The following SCFD1 variants were observed in gnomAD, a reference collection of about 807,000 sequenced individuals.
The protein encoded by SCFD1 is sec1 family domain-containing protein 1.
SCFD1 carries 37 observed loss-of-function variants against 103.2 expected under a neutral mutation model. The observed-to-expected ratio is 0.36, with a 90% CI of 0.28 to 0.47. The LOEUF (loss-of-function observed/expected upper bound fraction) is 0.47, where lower values mean the gene tolerates loss of function less well. SCFD1 is among the 20% of genes least tolerant of loss of function. The probability of loss-of-function intolerance (pLI) is 1.00; values close to 1 mark genes in which losing one functional copy is unlikely to be tolerated. For missense variants in SCFD1, 639 were observed against 761.2 expected (o/e 0.84, Z 1.89); for synonymous variants, 264 against 245.0 (o/e 1.08, Z -0.73).
At chr14:30,714,794 G>T (rs1477930049) in intron 19 of SCFD1, among the ~76,000 whole-genome samples, 1 of 152,164 alleles carries the variant, frequency 6.6e-6, no homozygotes, top group Non-Finnish European at 1.5e-5. Flanking sequence ...ATACAAGACT[G>T]TTCTCTTCAG....
At chr14:30,716,911 AT>A (rs1163929325) in intron 20 of SCFD1, among the ~76,000 whole-genome samples, 3 of 152,238 alleles carry the variant, frequency 2.0e-5, no homozygotes, top group African/African-American at 7.2e-5. Flanking sequence ...ACTAAAAAGG[AT>A]TGGATTCTTC....
intron 17 of SCFD1, among the ~76,000 whole-genome samples, chr14:30,703,915 A>ATG (rs1891254047): frequency 1.7e-4 from 3 of 17,372 alleles, no homozygotes; most frequent in South Asian, 1.7e-3. Context: ...ATTTGCATAT[A>ATG]TATATATATA....
intron 2 of SCFD1, among the ~76,000 whole-genome samples, chr14:30,629,421 G>C (rs564322537): frequency 6.6e-6 from 1 of 152,072 alleles, no homozygotes; most frequent in African/African-American, 2.4e-5. Context: ...ACCAGTTGAG[G>C]ATCTCTTTTA....
chr14:30,724,945 C>T lies in SCFD1; in HGVS notation c.1836+2386C>T, dbSNP rs117242535. 1.7e-4 allele frequency among the ~76,000 whole-genome samples: 26 copies of T among 152,150 alleles called. No homozygotes were observed. The East Asian group carries it at 2.5e-3, about 15-fold the overall frequency. On this transcript the variant is annotated intron_variant, in intron 23 of 24. Coordinates refer to ENST00000458591, the MANE Select transcript of SCFD1 (RefSeq NM_016106.4). The stretch of plus-strand genomic sequence containing the variant: ...TAGCACCATTTATTGAATAGGGAGT[C>T]GTTTCTCCATTGCTTTTGTCAGGTT...
At chr14:30,722,273 T>C (rs1548257) in intron 22 of SCFD1, among the ~76,000 whole-genome samples, 11,916 of 152,136 alleles carry the variant, frequency 0.078, 761 homozygotes, top group African/African-American at 0.17. Flanking sequence ...TTGGAAATTA[T>C]AGTTATTTTC....
intron 14 of SCFD1, among the ~76,000 whole-genome samples, chr14:30,684,500 A>G (rs1889773475): frequency 6.6e-6 from 1 of 152,186 alleles, no homozygotes; most frequent in African/African-American, 2.4e-5. Context: ...AAATTGAGGC[A>G]GTGTACTGAA....
Position 30,727,677 on chromosome 14 carries a change from A to G in SCFD1, c.1836+5118A>G, listed in dbSNP as rs553102647. The stretch of plus-strand genomic sequence containing the variant: ...TATTCATTTATTGGCTCCCTTTCTG[A>G]GAGTAAAGACTTTTCCTCCTTTCTC... On this transcript the variant is annotated intron_variant, in intron 23 of 24. Coordinates refer to ENST00000458591, the MANE Select transcript of SCFD1 (RefSeq NM_016106.4). 2.6e-5 allele frequency among the ~76,000 whole-genome samples: 4 copies of G among 152,012 alleles called. No individual in the cohort carries two copies. In the South Asian group the frequency reaches 8.3e-4, roughly 32 times the overall value.
At chr14:30,683,044 G>A (rs1187930802) in intron 14 of SCFD1, 1 of 1,346,602 alleles carries the variant, frequency 7.4e-7, no homozygotes. Context: ...GGCAGCCTGG[G>A]TCAGGGCTCC....
chr14:30,721,984 T>C (rs1356539644), intron 22 of SCFD1, 67 bp downstream of exon 22: 3 of 1,133,534 alleles, frequency 2.6e-6, no homozygotes, highest in South Asian at 2.6e-5. Context: ...TCTTGAAGAC[T>C]GTCTGTACCA....
chr14:30,649,412 T>C, intron 7 of SCFD1, 116 bp from the exon 8 acceptor site: 1 of 682,430 alleles, frequency 1.5e-6, no homozygotes, highest in Middle Eastern at 3.6e-4. Context: ...TAAAATCGTG[T>C]GTAACGTGAA....
At chr14:30,643,219 A>G (rs572608170) in intron 6 of SCFD1, 97 bp from the exon 7 acceptor site, 39 of 853,168 alleles carry the variant, frequency 4.6e-5, no homozygotes, top group South Asian at 3.0e-4. Flanking sequence ...GAGTTTTATT[A>G]TATGTCAATT....
chr14:30,693,194 G>A (rs1168027460), intron 14 of SCFD1, among the ~76,000 whole-genome samples: 1 of 152,122 alleles, frequency 6.6e-6, no homozygotes, highest in African/African-American at 2.4e-5. Flanking sequence ...TTCAGTGAAA[G>A]GAAAGGGCAG....
At chr14:30,623,393 A>C (rs1883057742) in intron 1 of SCFD1, among the ~76,000 whole-genome samples, 1 of 152,188 alleles carries the variant, frequency 6.6e-6, no homozygotes. Flanking sequence ...AAAGTGATAG[A>C]CTTCAATTTA....
chr14:30,638,382 A>G (rs1594577452), intron 5 of SCFD1, 135 bp downstream of exon 5: 1 of 1,243,054 alleles, frequency 8.0e-7, no homozygotes, highest in African/African-American at 1.6e-5. Flanking sequence ...TACTTTTATA[A>G]AGAGTTCTGA....
chr14:30,710,332 TAAA>T (rs397853428), intron 19 of SCFD1, among the ~76,000 whole-genome samples: 1,751 of 81,968 alleles, frequency 0.021, 54 homozygotes, highest in African/African-American at 0.089. Context: ...GCCATGTCAT[TAAA>T]AAAAAAAAAA....
At chr14:30,702,248 T>C (rs1405677658) in intron 16 of SCFD1, 48 bp from the exon 17 acceptor site, 1 of 1,247,154 alleles carries the variant, frequency 8.0e-7, no homozygotes, top group South Asian at 1.3e-5. Context: ...AAATAACATC[T>C]TTCTTGAAAG....
chr14:30,675,603 C>T (rs1250117169), intron 14 of SCFD1, among the ~76,000 whole-genome samples: 1 of 152,124 alleles, frequency 6.6e-6, no homozygotes, highest in Admixed American at 6.5e-5. Flanking sequence ...ATGATTGCCC[C>T]ATTGTCAGCT....
rs114959250 is a variant in SCFD1 at position 30,711,941 on chromosome 14, G to A, written c.1629+3876G>A. ...TACTTGTGGAAGCTGGGTGAGAGAG[G>A]GATAGATGTGTCTTGGTGAGTTCAC... On this transcript the variant is annotated intron_variant, in intron 19 of 24. Coordinates refer to ENST00000458591, the MANE Select transcript of SCFD1 (RefSeq NM_016106.4). Among the ~76,000 whole-genome samples, 856 of 151,986 alleles carry A rather than the reference G, an allele frequency of 5.6e-3. 4 individuals are homozygous for A. Among genetic ancestry groups the A allele is most frequent in the African/African-American group, 0.02 (810 of 41,486 alleles).
intron 14 of SCFD1, among the ~76,000 whole-genome samples, chr14:30,684,281 G>T (rs1352729779): frequency 1.3e-5 from 2 of 152,156 alleles, no homozygotes; most frequent in Admixed American, 1.3e-4. Context: ...GAATAGCTGG[G>T]ATTACAGGTG....
Sources: allele counts gnomAD v4.1 joint callset (sites outside exome capture counted in the v4.1 genomes callset), GRCh38; gene constraint gnomAD v4.1.1; transcripts MANE v1.5; gene names NCBI Gene and HGNC (gene_info 2026-07-23, HGNC 2026-07-21).